Variants in ECHDC2 observed in about 807,000 individuals in gnomAD.
ECHDC2 encodes enoyl-CoA hydratase domain containing 2, also known as enoyl-CoA hydratase domain-containing protein 2, mitochondrial.
ECHDC2 carries 34 observed loss-of-function variants against 40.6 expected under a neutral mutation model. The observed-to-expected ratio is 0.84, with a 90% CI of 0.64 to 1.11. ECHDC2 has a LOEUF of 1.11. Ranked by LOEUF, ECHDC2 falls within the 50% of genes most tolerant of loss-of-function variation. The pLI, the probability that ECHDC2 is intolerant of heterozygous loss-of-function variation, is 0.00. For synonymous variants in ECHDC2, 162 were observed against 166.6 expected (o/e 0.97, Z 0.21); for missense variants, 392 against 400.7 (o/e 0.98, Z 0.19).
chr1:52,913,318 C>A (rs902925665), intron 1 of ECHDC2: 1 of 152,210 alleles, frequency 6.6e-6, no homozygotes, highest in African/African-American at 2.4e-5. Flanking sequence ...AATATTCTTT[C>A]ACCAGCAACA....
At chr1:52,912,044 GAAC>G (rs1649643987) in intron 1 of ECHDC2, 1 of 1,400,876 alleles carries the variant, frequency 7.1e-7, no homozygotes, top group Non-Finnish European at 9.3e-7. Flanking sequence ...ATGGGGAGAG[GAAC>G]AACAGTGACT....
intron 1 of ECHDC2, chr1:52,913,539 C>T (rs1283987632): frequency 6.6e-6 from 1 of 152,244 alleles, no homozygotes; most frequent in African/African-American, 2.4e-5. Context: ...CATTAACACA[C>T]TCCACTTGAT....
chr1:52,910,393 G>C lies in ECHDC2; in HGVS notation c.277+1173C>G, dbSNP rs767404117. Among the ~76,000 whole-genome samples the C allele has an allele frequency of 1.0e-4, 8 of 78,906 alleles. No homozygotes were observed. The South Asian group carries it at 3.8e-3, about 37-fold the overall frequency. The allele number at this position is 78,906 out of a possible 152,430, so 51.8% of individuals were successfully genotyped here. A position where few individuals can be genotyped will look rare whatever the true frequency, so the allele number is the denominator to read the frequency against. On this transcript the variant is annotated intron_variant, in intron 3 of 9. Transcript: ENST00000371522. ...TTTTTTTTTTTTTTTTTTTGAGATG[G>C]AGTTGTGCTCTGTCACCCAGGCTGG...
In ECHDC2 at chr1:52,904,680, C is replaced by T. The variant is rs754843817; in HGVS notation, c.668G>A (p.Arg223Gln). 1.6e-5 allele frequency: 26 copies of T among 1,609,288 alleles called. No individual in the cohort carries two copies. Among genetic ancestry groups the T allele is most frequent in the East Asian group, 8.9e-5 (4 of 44,848 alleles). Residue 223 changes from arginine (R) to glutamine (Q), a missense_variant, in exon 7 of 10, where the codon CGG becomes CAG. Physicochemically the swap from Arg to Gln is conservative, Grantham distance 43. Transcript: ENST00000371522. ...QNEEGDAAYQ[R>Q]ARALAQEILP... ...GATCTCCTGGGCCAGTGCTCGTGCC[C>T]GCTGGTAGGCGGCGTCCCCCTCCTC...
intron 3 of ECHDC2, among the ~76,000 whole-genome samples, chr1:52,909,825 C>A (rs895479085): frequency 3.9e-5 from 6 of 152,146 alleles, no homozygotes; most frequent in African/African-American, 1.2e-4. Flanking sequence ...GGGTGCGGAA[C>A]CTGCAGATGC....
chr1:52,899,313 A>T (rs1646838714), intron 7 of ECHDC2, 89 bp from the exon 8 acceptor site: 1 of 1,256,262 alleles, frequency 8.0e-7, no homozygotes, highest in African/African-American at 1.5e-5. Context: ...TAAAGGAGGG[A>T]GGCAGATGTC....
At chr1:52,917,871 C>G (rs1261200739) in intron 1 of ECHDC2, among the ~76,000 whole-genome samples, 1 of 152,120 alleles carries the variant, frequency 6.6e-6, no homozygotes, top group Non-Finnish European at 1.5e-5. Context: ...CAATTAGGCC[C>G]ACAACATAAT....
At chr1:52,917,744 T>C (rs1651026057) in intron 1 of ECHDC2, 14 of 430,372 alleles carry the variant, frequency 3.3e-5, no homozygotes, top group Non-Finnish European at 6.6e-5. Flanking sequence ...AAAATTCCTA[T>C]TGCCTAGTGA....
At chr1:52,900,094 A>G (rs1211741931) in intron 7 of ECHDC2, 3 of 152,086 alleles carry the variant, frequency 2.0e-5, no homozygotes, top group Non-Finnish European at 2.9e-5. Flanking sequence ...ACCATTTACA[A>G]AAGAGTATGT....
In ECHDC2 at chr1:52,906,526, T is replaced by C. The variant is rs1237904648; in HGVS notation, c.450A>G (p.Arg150=). The part of the protein sequence containing the change: ...GLELALACDL[R]VAASSAVMGL... ...CCAGTCCTGGCCCAGTACCTGCCAC[T>C]CGGAGGTCACAGGCCAGGGCAAGCT... The change falls in exon 5 of 10, where the codon CGA becomes CGG. Residue 150 remains arginine (R), a synonymous_variant. Transcript: ENST00000371522. The C allele has an allele frequency of 6.2e-7, 1 of 1,611,178 alleles. No homozygotes were observed. The highest frequency in any genetic ancestry group is 1.3e-5 in the African/African-American group (1 of 74,876).
Position 52,897,450 on chromosome 1 carries a change from A to G in ECHDC2, c.788T>C (p.Met263Thr), listed in dbSNP as rs894704748. ...DIASGMAIEG[M>T]CYAQNIPTRD... ...GTTGCTACATACCTGGGCATAGCAC[A>G]TCCCTTCAATGGCCATCCCAGATGC... is the stretch of plus-strand genomic sequence containing the variant. Residue 263 changes from methionine to threonine, a missense_variant, in exon 9 of 10, where the codon ATG becomes ACG. Transcript: ENST00000371522. The G allele has an allele frequency of 3.1e-6, 5 of 1,614,078 alleles. No homozygotes were observed. Among genetic ancestry groups the G allele is most frequent in the Non-Finnish European group, 3.4e-6 (4 of 1,180,038 alleles).
Position 52,911,652 on chromosome 1 carries a change from A to C in ECHDC2, c.191T>G (p.Leu64Arg), listed in dbSNP as rs375548787. The C allele has an allele frequency of 6.2e-7, 1 of 1,614,202 alleles. No individual in the cohort carries two copies. The highest frequency in any genetic ancestry group is 1.1e-5 in the South Asian group (1 of 91,076). Reference protein sequence around the residue: ...NALGNVFVSELLETLAQLRED... With the variant: ...NALGNVFVSERLETLAQLRED... ...CCGCAGCTGGGCCAGAGTTTCCAGC[A>C]GCTACAGAGGACACCCAGTTAGATA... Residue 64 changes from leucine to arginine, a missense_variant and splice_region_variant, in exon 3 of 10, where the codon CTG becomes CGG. Physicochemically the swap from Leu to Arg is moderately radical, Grantham distance 102. Coordinates refer to ENST00000371522, the MANE Select transcript of ECHDC2 (RefSeq NM_001198961.2).
intron 3 of ECHDC2, among the ~76,000 whole-genome samples, chr1:52,911,224 G>A (rs966093099): frequency 6.6e-6 from 1 of 151,840 alleles, no homozygotes; most frequent in Non-Finnish European, 1.5e-5. Flanking sequence ...TGATCTACCC[G>A]CCCCAGCCTC....
At chr1:52,902,027 TAAAA>T in intron 7 of ECHDC2, 1 of 149,130 alleles carries the variant, frequency 6.7e-6, no homozygotes, top group Admixed American at 6.7e-5. Flanking sequence ...TGATGAAGCT[TAAAA>T]AAAAAAAAGA....
At chr1:52,920,734 A>C in intron 1 of ECHDC2, 4 of 551,314 alleles carry the variant, frequency 7.3e-6, no homozygotes, top group South Asian at 2.2e-5. Flanking sequence ...ATTTAAGAAT[A>C]AACTTTTGTT....
intron 9 of ECHDC2, chr1:52,897,015 T>C (rs573207823): frequency 7.0e-6 from 2 of 285,530 alleles, no homozygotes; most frequent in Admixed American, 4.5e-5. Flanking sequence ...AGATTAGCAT[T>C]TTTTACTCAC....
At chr1:52,918,557 G>A (rs1428282243) in intron 1 of ECHDC2, among the ~76,000 whole-genome samples, 4 of 151,772 alleles carry the variant, frequency 2.6e-5, no homozygotes, top group Non-Finnish European at 5.9e-5. Context: ...TTGTGTCTTT[G>A]TTTTTAACAA....
chr1:52,908,808 C>T (rs974433023), intron 3 of ECHDC2, among the ~76,000 whole-genome samples: 1 of 151,746 alleles, frequency 6.6e-6, no homozygotes, highest in Non-Finnish European at 1.5e-5. Context: ...TTGGTGGGCA[C>T]CTGTAATCCC....
At chr1:52,915,406 T>C in intron 1 of ECHDC2, 1 of 454,256 alleles carries the variant, frequency 2.2e-6, no homozygotes, top group South Asian at 1.6e-5. Flanking sequence ...CAGCCAGGAA[T>C]TACAGAACTA....
Sources: allele counts gnomAD v4.1 joint callset (sites outside exome capture counted in the v4.1 genomes callset), GRCh38; gene constraint gnomAD v4.1.1; transcripts MANE v1.5; gene names NCBI Gene and HGNC (gene_info 2026-07-23, HGNC 2026-07-21).